The following NFIB variants were observed in gnomAD, a reference collection of about 807,000 sequenced individuals.
NFIB encodes the protein nuclear factor 1 B-type.
NFIB carries 11 observed loss-of-function variants against 61.5 expected under a neutral mutation model. That is an observed-to-expected ratio of 0.18 (90% confidence interval 0.11 to 0.30). The LOEUF (loss-of-function observed/expected upper bound fraction) is 0.30, where lower values mean the gene tolerates loss of function less well. Ranked by LOEUF, NFIB falls within the 10% of genes least tolerant of loss-of-function variation. The pLI, the probability that NFIB is intolerant of heterozygous loss-of-function variation, is 1.00. For missense variants in NFIB, 471 were observed against 608.9 expected, an observed-to-expected ratio of 0.77 and a Z score of 2.38; for synonymous variants, 260 against 216.5, an observed-to-expected ratio of 1.20 and a Z score of -1.76.
chr9:14,313,862 G>A lies in NFIB; in HGVS notation c.-351C>T. On this transcript the variant is annotated 5_prime_UTR_variant, in exon 1 of 11. Transcript: ENST00000380953. This position sits in a 1 kb window ranked among gnomAD's most constrained non-coding sequence, Gnocchi z 4.5. ...TTTCTATTTTGCAGTTGTTGTTGTT[G>A]TTGGGGTGTAGGGGGTGCGCGAAGG... is the stretch of plus-strand genomic sequence containing the variant. 3 of 1,201,438 alleles carry A rather than the reference G, an allele frequency of 2.5e-6. No individual in the cohort carries two copies. In the South Asian group the frequency reaches 6.7e-5, roughly 27 times the overall value. 74.4% of individuals were successfully genotyped at this position (1,201,438 alleles called of 1,614,324 possible).
chr9:14,298,478 G>GA (rs1336443760), intron 2 of NFIB, among the ~76,000 whole-genome samples: 1 of 152,088 alleles, frequency 6.6e-6, no homozygotes, highest in Non-Finnish European at 1.5e-5. Context: ...CAGAGAAACT[G>GA]AAAATCTAAG....
chr9:14,095,293 C>T (rs970642789), intron 10 of NFIB, among the ~76,000 whole-genome samples: 2 of 152,066 alleles, frequency 1.3e-5, no homozygotes, highest in African/African-American at 4.8e-5. Context: ...ATGAAGATGA[C>T]TAATTATAAA....
At chr9:14,449,597 G>C in the NFIB span, among the ~76,000 whole-genome samples, 1 of 152,102 alleles carries the variant, frequency 6.6e-6, no homozygotes, top group Non-Finnish European at 1.5e-5. Context: ...TATAATCCCT[G>C]TTCATGCTGG....
intron 1 of NFIB, among the ~76,000 whole-genome samples, chr9:14,385,203 T>A (rs377082392): frequency 2.0e-5 from 3 of 152,130 alleles, no homozygotes; most frequent in East Asian, 1.9e-4. Flanking sequence ...TTTCACCCAC[T>A]CAGCCGATGA....
At chr9:14,116,058 C>T in intron 9 of NFIB, 150 bp downstream of exon 9, 6 of 932,748 alleles carry the variant, frequency 6.4e-6, no homozygotes, top group Non-Finnish European at 8.6e-6. Flanking sequence ...CCTGCTAGCT[C>T]CACTTAAATG....
intron 2 of NFIB, among the ~76,000 whole-genome samples, chr9:14,200,210 T>C (rs150451846): frequency 9.8e-5 from 15 of 152,312 alleles, no homozygotes; most frequent in African/African-American, 3.4e-4. Context: ...CTCCTTAAAA[T>C]ATAGTAGTCA....
the NFIB span, among the ~76,000 whole-genome samples, chr9:14,412,589 C>T: frequency 3.3e-5 from 5 of 152,170 alleles, no homozygotes; most frequent in Admixed American, 6.5e-5. Flanking sequence ...TTCTTCTCAT[C>T]GGTTGTAGGG....
the NFIB span, among the ~76,000 whole-genome samples, chr9:14,452,457 GAAAGGAAAGGAAAGGA>G: frequency 4.3e-4 from 17 of 39,536 alleles, 2 homozygotes; most frequent in African/African-American, 1.9e-3. Flanking sequence ...GAAAGGAAAG[GAAAGGAAAGGAAAGGA>G]AAGGAAAGGA....
chr9:14,121,545 G>A (rs985528549), intron 7 of NFIB, among the ~76,000 whole-genome samples: 31 of 152,172 alleles, frequency 2.0e-4, no homozygotes, highest in Admixed American at 1.2e-3. Flanking sequence ...AAATGCTTAT[G>A]AACATTGGAA....
At chr9:14,113,185 A>C in intron 9 of NFIB, 104 bp from the exon 10 acceptor site, 1 of 880,418 alleles carries the variant, frequency 1.1e-6, no homozygotes, top group Non-Finnish European at 1.7e-6. Context: ...GCAACCAAAA[A>C]AAAAAAGTGT....
chr9:14,387,430 G>A (rs2061561812), intron 1 of NFIB, among the ~76,000 whole-genome samples: 1 of 152,122 alleles, frequency 6.6e-6, no homozygotes, highest in Non-Finnish European at 1.5e-5. Flanking sequence ...TTAAATGTAA[G>A]CCAGGTATTG....
chr9:14,115,150 G>C (rs1368732399), intron 9 of NFIB, among the ~76,000 whole-genome samples: 3 of 151,736 alleles, frequency 2.0e-5, no homozygotes, highest in Admixed American at 6.6e-5. Flanking sequence ...TTCTTATAGG[G>C]TTCCTTCCTA....
At chr9:14,243,790 G>C (rs996700181) in intron 2 of NFIB, among the ~76,000 whole-genome samples, 2 of 152,108 alleles carry the variant, frequency 1.3e-5, no homozygotes, top group Non-Finnish European at 2.9e-5. Flanking sequence ...GAAACCCTAA[G>C]CTGCATGACA....
At chr9:14,252,492 G>T (rs2055743533) in intron 2 of NFIB, among the ~76,000 whole-genome samples, 1 of 151,890 alleles carries the variant, frequency 6.6e-6, no homozygotes, top group African/African-American at 2.4e-5. Flanking sequence ...ATAATGGGCA[G>T]CAAGGTAAAG....
chr9:14,137,431 T>G (rs762441139), intron 6 of NFIB, among the ~76,000 whole-genome samples: 1 of 152,200 alleles, frequency 6.6e-6, no homozygotes. Context: ...CAGAAAACTT[T>G]CTGAATTTTC....
intron 1 of NFIB, among the ~76,000 whole-genome samples, chr9:14,378,151 C>T (rs1255988028): frequency 6.6e-6 from 1 of 152,156 alleles, no homozygotes; most frequent in Admixed American, 6.5e-5. Flanking sequence ...TACTGTTTTC[C>T]TCAGTTTCCT....
chr9:14,481,282 G>T, the NFIB span, among the ~76,000 whole-genome samples: 2 of 133,856 alleles, frequency 1.5e-5, no homozygotes, highest in East Asian at 2.3e-4. Flanking sequence ...GGTGTGTTTT[G>T]CTCTGTCCTC....
At chr9:14,454,062 C>T in the NFIB span, among the ~76,000 whole-genome samples, 5 of 151,056 alleles carry the variant, frequency 3.3e-5, no homozygotes, top group South Asian at 6.3e-4. Context: ...AGCAAGACTC[C>T]GTTTCAAAAA....
At chr9:14,354,106 T>C (rs1048706565) in intron 1 of NFIB, among the ~76,000 whole-genome samples, 1 of 152,212 alleles carries the variant, frequency 6.6e-6, no homozygotes, top group African/African-American at 2.4e-5. Flanking sequence ...AAATCACTAA[T>C]ACACCGCACC....
Sources: gnomAD v4.1 joint callset for allele counts (sites outside exome capture counted in the v4.1 genomes callset) on GRCh38, gnomAD v4.1.1 for gene constraint, Gnocchi (gnomAD v3.1) non-coding constraint, MANE v1.5 for transcripts, NCBI Gene and HGNC (gene_info 2026-07-23, HGNC 2026-07-21) for gene names.